TRIM4: variants seen among roughly 807,000 people sequenced by gnomAD.
TRIM4 encodes the protein tripartite motif containing 4.
In TRIM4, 29 loss-of-function variants were observed where a neutral mutation model predicts 33.7. The observed-to-expected ratio is 0.86, with a 90% confidence interval of 0.64 to 1.17. The LOEUF (loss-of-function observed/expected upper bound fraction) is 1.17, where lower values mean the gene tolerates loss of function less well. Ranked by LOEUF, TRIM4 falls within the 50% of genes most tolerant of loss-of-function variation. The pLI, the probability that TRIM4 is intolerant of heterozygous loss-of-function variation, is 0.00. For missense variants in TRIM4, 554 were observed against 593.7 expected (o/e 0.93, Z 0.69); for synonymous variants, 224 against 233.0 (o/e 0.96, Z 0.35).
intron 4 of TRIM4, 88 bp downstream of exon 4, chr7:99,903,488 C>T: frequency 1.3e-6 from 2 of 1,550,376 alleles, no homozygotes; most frequent in Admixed American, 1.7e-5. Context: ...CCAGACTGAC[C>T]TATGGATCCT....
At chr7:99,915,595 A>T (rs1275498329) in intron 1 of TRIM4, among the ~76,000 whole-genome samples, 1 of 152,210 alleles carries the variant, frequency 6.6e-6, no homozygotes, top group Non-Finnish European at 1.5e-5. Context: ...TTGGAAATAA[A>T]GCAGCTTCAC....
At chr7:99,894,440 G>A (rs1008148239) in intron 5 of TRIM4, among the ~76,000 whole-genome samples, 1 of 152,118 alleles carries the variant, frequency 6.6e-6, no homozygotes, top group Non-Finnish European at 1.5e-5. Context: ...CCAAGGCAGT[G>A]GATTACGAGG....
At chr7:99,900,147 T>C (rs1466633715) in intron 5 of TRIM4, among the ~76,000 whole-genome samples, 1 of 152,194 alleles carries the variant, frequency 6.6e-6, no homozygotes, top group Non-Finnish European at 1.5e-5. Flanking sequence ...CAAGTCCGAA[T>C]CTGCTGTGTG....
chr7:99,897,374 C>G (rs1226274654), intron 5 of TRIM4, among the ~76,000 whole-genome samples: 4 of 152,158 alleles, frequency 2.6e-5, no homozygotes, highest in Non-Finnish European at 5.9e-5. Context: ...GAGTGGGAGA[C>G]AGTCGATCCC....
intron 1 of TRIM4, chr7:99,917,811 T>G: frequency 2.0e-6 from 2 of 983,984 alleles, no homozygotes; most frequent in South Asian, 9.4e-5. Context: ...AGTTACACCA[T>G]CAGTAATGGG....
At chr7:99,900,605 C>T (rs1025855729) in intron 5 of TRIM4, among the ~76,000 whole-genome samples, 1 of 152,162 alleles carries the variant, frequency 6.6e-6, no homozygotes, top group African/African-American at 2.4e-5. Context: ...TGAAGGACTT[C>T]CTTTAAGACT....
chr7:99,892,098 G>A lies in TRIM4; in HGVS notation c.*65C>T. 3 of 1,403,196 alleles carry A rather than the reference G, an allele frequency of 2.1e-6. No individual in the cohort carries two copies. The South Asian group carries it at 4.0e-5, about 19-fold the overall frequency. The allele number at this position is 1,403,196 out of a possible 1,614,324, so 86.9% of individuals were successfully genotyped here. On this transcript the variant is annotated 3_prime_UTR_variant, in exon 6 of 6. Transcript: ENST00000349062. ...ATAGAGACATGAAGGGCAGAAGAGG[G>A]CCCAGGGATGTGTGTCCCTCAGCTG... is the stretch of plus-strand genomic sequence containing the variant.
intron 5 of TRIM4, among the ~76,000 whole-genome samples, chr7:99,896,617 T>G (rs1014144796): frequency 1.3e-5 from 2 of 152,152 alleles, no homozygotes; most frequent in Non-Finnish European, 2.9e-5. Flanking sequence ...CTGAAATCAA[T>G]AGGGGTCTAG....
At chr7:99,900,206 C>T (rs867408922) in intron 5 of TRIM4, among the ~76,000 whole-genome samples, 2 of 152,302 alleles carry the variant, frequency 1.3e-5, no homozygotes, top group South Asian at 4.1e-4. Context: ...AGTTGGAAGG[C>T]CATTAGGCAG....
chr7:99,908,797 G>A lies in TRIM4; in HGVS notation c.505C>T (p.Gln169Ter). 1.2e-6 allele frequency: 2 copies of A among 1,613,936 alleles called. No individual in the cohort carries two copies. Among genetic ancestry groups the A allele is most frequent in the African/African-American group, 1.3e-5 (1 of 74,984 alleles). Residue 169 changes from glutamine to a stop codon, truncating the protein, a stop_gained, in exon 3 of 6, where the codon CAG becomes TAG. Transcript: ENST00000349062. LOFTEE classifies it high-confidence loss of function. ...AACTCCGTGCTGATTCTCATTCGCT[G>A]ACTCTTTATCTTATCCTAAGGCCAC... ...ATQWKDKIKS[Q>*]RMRISTEFSK...
intron 5 of TRIM4, among the ~76,000 whole-genome samples, chr7:99,895,042 C>T (rs1385448487): frequency 6.6e-6 from 1 of 152,082 alleles, no homozygotes; most frequent in Non-Finnish European, 1.5e-5. Context: ...TTTCTGTTGG[C>T]TTTCTGTATT....
rs1233990900 is a variant in TRIM4 at position 99,892,027 on chromosome 7, T to C, written c.*136A>G. ...TCTTGTGAAGCACACAAAGGGCAGA[T>C]ACCAAACGGTACCGTTAGGGAGACC... On this transcript the variant is annotated 3_prime_UTR_variant, in exon 6 of 6. Coordinates refer to ENST00000349062, the MANE Select transcript of TRIM4 (RefSeq NM_033091.3). 1.5e-5 allele frequency: 12 copies of C among 776,828 alleles called. No homozygotes were observed. Among genetic ancestry groups the C allele is most frequent in the Non-Finnish European group, 2.2e-5 (11 of 500,916 alleles). The allele number at this position is 776,828 out of a possible 1,614,324, so 48.1% of individuals were successfully genotyped here.
At chr7:99,904,923 T>G (rs1408329325) in intron 3 of TRIM4, among the ~76,000 whole-genome samples, 1 of 151,878 alleles carries the variant, frequency 6.6e-6, no homozygotes, top group Non-Finnish European at 1.5e-5. Flanking sequence ...TCCCAGCTAC[T>G]CGGGAGGCTG....
chr7:99,904,619 G>A (rs1298615614), intron 3 of TRIM4, among the ~76,000 whole-genome samples: 5 of 152,070 alleles, frequency 3.3e-5, no homozygotes, highest in African/African-American at 9.7e-5. Flanking sequence ...TGGGTGAAGG[G>A]GTATGTGGGA....
chr7:99,893,535 A>G (rs556053608), intron 5 of TRIM4, among the ~76,000 whole-genome samples: 163 of 152,264 alleles, frequency 1.1e-3, no homozygotes, highest in African/African-American at 3.7e-3. Context: ...TGAACTAATT[A>G]TCTTACTTAC....
Position 99,902,665 on chromosome 7 carries a change from C to T in TRIM4, c.841+553G>A, listed in dbSNP as rs1020864864. Among the ~76,000 whole-genome samples the T allele has an allele frequency of 2.0e-5, 3 of 152,104 alleles. No individual in the cohort carries two copies. In the South Asian group the frequency reaches 6.2e-4, roughly 32 times the overall value. ...ATGAGTTTATTTTCAGTCTGTCCTA[C>T]ACTCTTCTTCTCAACCTCAACCTCT... On this transcript the variant is annotated intron_variant, in intron 5 of 5. Coordinates refer to ENST00000349062, the MANE Select transcript of TRIM4 (RefSeq NM_033091.3).
At chr7:99,903,392 GC>G in intron 4 of TRIM4, 77 bp from the exon 5 acceptor site, 1 of 1,385,934 alleles carries the variant, frequency 7.2e-7, no homozygotes, top group Non-Finnish European at 1.0e-6. Flanking sequence ...AAGGTTCTTA[GC>G]CCAAAGTTCA....
At chr7:99,909,177 T>G (rs66953435) in intron 2 of TRIM4, among the ~76,000 whole-genome samples, 3,085 of 151,876 alleles carry the variant, frequency 0.02, 53 homozygotes, top group Middle Eastern at 0.044. Context: ...TGTGCATCCA[T>G]TCATCTGTTT....
At chr7:99,911,774 C>T (rs1361612087) in intron 1 of TRIM4, among the ~76,000 whole-genome samples, 1 of 152,162 alleles carries the variant, frequency 6.6e-6, no homozygotes, top group African/African-American at 2.4e-5. Context: ...TAGGGTACAG[C>T]AATTCTACTC....
Sources: allele counts gnomAD v4.1 joint callset (sites outside exome capture counted in the v4.1 genomes callset), GRCh38; gene constraint gnomAD v4.1.1; transcripts MANE v1.5; gene names NCBI Gene and HGNC (gene_info 2026-07-23, HGNC 2026-07-21).